The following ADAM11 variants were observed in gnomAD, a reference collection of about 807,000 sequenced individuals.
The protein encoded by ADAM11 is disintegrin and metalloproteinase domain-containing protein 11.
ADAM11 carries 49 observed loss-of-function variants against 119.1 expected under a neutral mutation model. The observed-to-expected ratio is 0.41, with a 90% CI of 0.33 to 0.52. The LOEUF (loss-of-function observed/expected upper bound fraction) is 0.52. Ranked by LOEUF, ADAM11 falls within the 20% of genes least tolerant of loss-of-function variation. ADAM11 has a pLI of 0.20. For missense variants in ADAM11, 777 were observed against 1,047.5 expected (o/e 0.74, Z 3.56); for synonymous variants, 364 against 408.0 (o/e 0.89, Z 1.30).
chr17:44,775,405 C>G lies in ADAM11; in HGVS notation c.1332C>G (p.Pro444=). ...TCCTCCCGGTCCAGCTCCTGGACCCCCCAGAGTGCGGGAACGGCTTCGTGG... is the reference window on the plus strand; with the variant it reads ...TCCTCCCGGTCCAGCTCCTGGACCCGCCAGAGTGCGGGAACGGCTTCGTGG... ...LFNKPLKLLD[P]PECGNGFVEA... is the part of the protein sequence containing the mutation. Residue 444 remains proline, a synonymous_variant, in exon 16 of 27, where the codon CCC becomes CCG. Coordinates refer to ENST00000200557, the MANE Select transcript of ADAM11 (RefSeq NM_002390.6). The surrounding 1 kb of genome is among the most constrained non-coding windows in gnomAD (Gnocchi z 7.5). The G allele has an allele frequency of 6.2e-7, 1 of 1,612,192 alleles. No individual in the cohort carries two copies. Among genetic ancestry groups the G allele is most frequent in the Middle Eastern group, 1.7e-4 (1 of 6,060 alleles).
intron 26 of ADAM11, 63 bp from the exon 27 acceptor site, chr17:44,779,676 G>T: frequency 6.4e-7 from 1 of 1,557,258 alleles, no homozygotes. Context: ...CCGGGGCCCT[G>T]CTGGGGGGCT....
intron 2 of ADAM11, among the ~76,000 whole-genome samples, chr17:44,761,716 T>C (rs2049391537): frequency 6.6e-6 from 1 of 152,170 alleles, no homozygotes; most frequent in Non-Finnish European, 1.5e-5. Flanking sequence ...GTGCCTCAGT[T>C]TCCCCTGAGG....
At position 44,759,128 on chromosome 17, in the gene ADAM11, C is replaced by T; in HGVS notation, c.-72C>T. ...GGCTCCGCAGCTGGCGCCTCCCCAC[C>T]CCCGTCCCTGCTCCCGCCCTCCCCG... is the stretch of plus-strand genomic sequence containing the variant. On this transcript the variant is annotated 5_prime_UTR_variant, in exon 1 of 27. Transcript: ENST00000200557. 2.0e-5 allele frequency: 20 copies of T among 1,005,660 alleles called. 1 individual carries two copies. Among genetic ancestry groups the T allele is most frequent in the Non-Finnish European group, 2.5e-5 (20 of 792,356 alleles). 62.3% of individuals were successfully genotyped at this position (1,005,660 alleles called of 1,614,324 possible).
intron 2 of ADAM11, among the ~76,000 whole-genome samples, chr17:44,765,445 C>T (rs1354393038): frequency 1.3e-5 from 2 of 152,172 alleles, no homozygotes; most frequent in Admixed American, 1.3e-4. Context: ...GTCCCTGTCA[C>T]AGTAGGTGAT....
At chr17:44,770,638 C>T (rs918785433) in intron 4 of ADAM11, among the ~76,000 whole-genome samples, 1 of 152,104 alleles carries the variant, frequency 6.6e-6, no homozygotes, top group Admixed American at 6.5e-5. Flanking sequence ...CACTCCTCAG[C>T]CAACCACAGG....
rs764800695 is a variant in ADAM11, at chr17:44,776,147, C to T, written c.1506C>T (p.Ser502=). ...RRCKYEPRGV[S]CREAVNECDI... Reference sequence around the variant, plus strand: ...CCTAGTACGAACCACGGGGTGTGTCCTGCCGAGAGGCCGTGAACGAGTGCG... The same window carrying T: ...CCTAGTACGAACCACGGGGTGTGTCTTGCCGAGAGGCCGTGAACGAGTGCG... Residue 502 remains serine (S), a synonymous_variant, in exon 18 of 27, where the codon TCC becomes TCT. Transcript: ENST00000200557. The surrounding 1 kb of genome is among the most constrained non-coding windows in gnomAD (Gnocchi z 5.2). The T allele has an allele frequency of 8.1e-6, 13 of 1,613,686 alleles. No homozygotes were observed. Among genetic ancestry groups the T allele is most frequent in the Middle Eastern group, 1.7e-4 (1 of 6,058 alleles).
chr17:44,769,999 A>C lies in ADAM11; in HGVS notation c.332A>C (p.Gln111Pro). 6.2e-7 allele frequency: 1 copy of C among 1,614,082 alleles called. No individual in the cohort carries two copies. Among genetic ancestry groups the C allele is most frequent in the East Asian group, 2.2e-5 (1 of 44,882 alleles). Residue 111 changes from glutamine to proline, a missense_variant, in exon 4 of 27, where the codon CAA becomes CCA. Gln to Pro is a moderately conservative substitution (Grantham distance 76, BLOSUM62 -1). Coordinates refer to ENST00000200557, the MANE Select transcript of ADAM11 (RefSeq NM_002390.6). ...TGTCTCAGCCACCTCCTCTCCTCGC[A>C]ATACGTGGAGCGCCACTTCAGCCGG... ...LELNHHLLSSQYVERHFSREG... is the reference protein window; with the variant it reads ...LELNHHLLSSPYVERHFSREG...
Position 44,772,464 on chromosome 17 carries a change from C to A in ADAM11, c.676C>A (p.Gln226Lys). 1 of 1,567,952 alleles carries A rather than the reference C, an allele frequency of 6.4e-7. No individual in the cohort carries two copies. Among genetic ancestry groups the A allele is most frequent in the Non-Finnish European group, 8.6e-7 (1 of 1,156,522 alleles). ...CCGGCCGAGGCTGAGAAGGAAAAGG[C>A]AGGTACGGGGGCCCGCACAGACCTC... ...PNRPRLRRKR[Q>K]VRRGHPTVHS... The change falls in exon 8 of 27, where the codon CAG (glutamine) becomes AAG (lysine). Residue 226 changes from glutamine to lysine, a missense_variant and splice_region_variant. Physicochemically the swap from Gln to Lys is moderately conservative, Grantham distance 53 (BLOSUM62 1). Around this residue, in one of 4 missense-constraint regions of ADAM11, gnomAD observed 278 missense variants for 310.1 expected, o/e 0.90. Coordinates refer to ENST00000200557, the MANE Select transcript of ADAM11 (RefSeq NM_002390.6). The surrounding 1 kb of genome is among the most constrained non-coding windows in gnomAD (Gnocchi z 4.5).
chr17:44,772,471 G>A lies in ADAM11; in HGVS notation c.678+5G>A, dbSNP rs1027495929. ...AGGCTGAGAAGGAAAAGGCAGGTACGGGGGCCCGCACAGACCTCGGGCTGC... is the reference window on the plus strand; with the variant it reads ...AGGCTGAGAAGGAAAAGGCAGGTACAGGGGCCCGCACAGACCTCGGGCTGC... On this transcript the variant is annotated splice_donor_5th_base_variant and intron_variant, in intron 8 of 26. Coordinates refer to ENST00000200557, the MANE Select transcript of ADAM11 (RefSeq NM_002390.6). This position sits in a 1 kb window ranked among gnomAD's most constrained non-coding sequence, Gnocchi z 4.5. The A allele has an allele frequency of 1.9e-6, 3 of 1,564,170 alleles. No homozygotes were observed. Among genetic ancestry groups the A allele is most frequent in the Non-Finnish European group, 2.6e-6 (3 of 1,154,782 alleles).
chr17:44,763,624 A>G (rs2049414751), intron 2 of ADAM11, among the ~76,000 whole-genome samples: 1 of 152,128 alleles, frequency 6.6e-6, no homozygotes, highest in Admixed American at 6.5e-5. Flanking sequence ...TGTTCACTCC[A>G]CTAGGGTGAC....
chr17:44,772,602 C>T lies in ADAM11; in HGVS notation c.678+136C>T, dbSNP rs2049540789. 5 of 1,224,696 alleles carry T rather than the reference C, an allele frequency of 4.1e-6. No homozygotes were observed. Among genetic ancestry groups the T allele is most frequent in the Non-Finnish European group, 5.7e-6 (5 of 881,588 alleles). The allele number at this position is 1,224,696 out of a possible 1,614,324, so 75.9% of individuals were successfully genotyped here. On this transcript the variant is annotated intron_variant, in intron 8 of 26. Coordinates refer to ENST00000200557, the MANE Select transcript of ADAM11 (RefSeq NM_002390.6). This position sits in a 1 kb window ranked among gnomAD's most constrained non-coding sequence, Gnocchi z 4.5. The stretch of plus-strand genomic sequence containing the variant: ...GGCTCAGATGGATGTGGCTGGGGGC[C>T]AGGGACCGTGTCTGGGAGAAGCCCC...
Position 44,778,354 on chromosome 17 carries a change from AC to A in ADAM11, c.2276+113del, listed in dbSNP as rs1005506094. ...AAAGCCCAACTGAACCAGAGCTCACACGTCATAGGTCCAAGTAGCCTGCAGG... is the reference window on the plus strand; with the variant it reads ...AAAGCCCAACTGAACCAGAGCTCACAGTCATAGGTCCAAGTAGCCTGCAGG... On this transcript the variant is annotated intron_variant, in intron 25 of 26. Transcript: ENST00000200557. 2.5e-5 allele frequency: 27 copies of A among 1,098,050 alleles called. No homozygotes were observed. In the African/African-American group the frequency reaches 3.9e-4, roughly 16 times the overall value. 68.0% of individuals were successfully genotyped at this position (1,098,050 alleles called of 1,614,324 possible). A position where few individuals can be genotyped will look rare whatever the true frequency, so the allele number is the denominator to read the frequency against.
rs748447725 is a variant in ADAM11, at chr17:44,759,732, C to T, written c.72C>T (p.Thr24=). The T allele has an allele frequency of 7.6e-7, 1 of 1,324,386 alleles. No homozygotes were observed. Among genetic ancestry groups the T allele is most frequent in the Admixed American group, 3.0e-5 (1 of 32,954 alleles). The allele number at this position is 1,324,386 out of a possible 1,614,324, so 82.0% of individuals were successfully genotyped here. A position where few individuals can be genotyped will look rare whatever the true frequency, so the allele number is the denominator to read the frequency against. ...GCCTTGTTTCCCCAGGTCTTGGGAC[C>T]CAAGGTCCTGCTGGAGCTCTGCGAT... The part of the protein sequence containing the change: ...LSLLPTPGLG[T]QGPAGALRWG... Residue 24 remains threonine (T), a synonymous_variant, in exon 2 of 27, where the codon ACC becomes ACT. Coordinates refer to ENST00000200557, the MANE Select transcript of ADAM11 (RefSeq NM_002390.6).
intron 2 of ADAM11, among the ~76,000 whole-genome samples, chr17:44,763,908 G>A (rs1417481472): frequency 6.6e-6 from 1 of 152,022 alleles, no homozygotes; most frequent in Non-Finnish European, 1.5e-5. Context: ...GTAGAGATGG[G>A]GTTTCACCAT....
In ADAM11 at chr17:44,776,631, C is replaced by T. The variant is rs2049604718; in HGVS notation, c.1567-114C>T. On this transcript the variant is annotated intron_variant, in intron 18 of 26. Coordinates refer to ENST00000200557, the MANE Select transcript of ADAM11 (RefSeq NM_002390.6). This position sits in a 1 kb window ranked among gnomAD's most constrained non-coding sequence, Gnocchi z 5.2. The stretch of plus-strand genomic sequence containing the variant: ...TCGCTTGTCCTAGGCGTGGAAGAGC[C>T]CTGTGGCATGAGCCCCCAATGGGGG... The T allele has an allele frequency of 3.3e-5, 43 of 1,317,732 alleles. No homozygotes were observed. The highest frequency in any genetic ancestry group is 4.5e-5 in the Non-Finnish European group (43 of 952,498). 81.6% of individuals were successfully genotyped at this position (1,317,732 alleles called of 1,614,324 possible).
At position 44,773,539 on chromosome 17, in the gene ADAM11, C is replaced by T; in HGVS notation, c.992+112C>T. The T allele has an allele frequency of 7.4e-7, 1 of 1,355,408 alleles. No individual in the cohort carries two copies. Among genetic ancestry groups the T allele is most frequent in the South Asian group, 1.4e-5 (1 of 69,772 alleles). The allele number at this position is 1,355,408 out of a possible 1,614,324, so 84.0% of individuals were successfully genotyped here. A position where few individuals can be genotyped will look rare whatever the true frequency, so the allele number is the denominator to read the frequency against. ...CTCCTCTCAGAGTCTGGGGACTGGGCTCACCTTGCACCTGCCACCTACCCC... is the reference window on the plus strand; with the variant it reads ...CTCCTCTCAGAGTCTGGGGACTGGGTTCACCTTGCACCTGCCACCTACCCC... On this transcript the variant is annotated intron_variant, in intron 11 of 26. Transcript: ENST00000200557. This position sits in a 1 kb window ranked among gnomAD's most constrained non-coding sequence, Gnocchi z 4.6.
rs149691741 is a variant in ADAM11 at position 44,777,532 on chromosome 17, G to A, written c.1832G>A (p.Arg611Gln). 3.2e-5 allele frequency: 52 copies of A among 1,614,160 alleles called. No individual in the cohort carries two copies. Among genetic ancestry groups the A allele is most frequent in the East Asian group, 3.1e-4 (14 of 44,886 alleles). ...TGTGTCAACATCTCTGGAGCTCCTC[G>A]GCTAGGGGACCTGGTGGGAGACATC... Reference protein sequence around the residue: ...LLCVNISGAPRLGDLVGDISS... With the variant: ...LLCVNISGAPQLGDLVGDISS... The change falls in exon 22 of 27, where the codon CGG (arginine) becomes CAG (glutamine). Residue 611 changes from arginine to glutamine, a missense_variant. Physicochemically the swap from Arg to Gln is conservative, Grantham distance 43. Coordinates refer to ENST00000200557, the MANE Select transcript of ADAM11 (RefSeq NM_002390.6). This position sits in a 1 kb window ranked among gnomAD's most constrained non-coding sequence, Gnocchi z 5.1.
At position 44,776,097 on chromosome 17, in the gene ADAM11, C is replaced by T. The variant is rs373173090; in HGVS notation, c.1486-30C>T. On this transcript the variant is annotated intron_variant, in intron 17 of 26. Coordinates refer to ENST00000200557, the MANE Select transcript of ADAM11 (RefSeq NM_002390.6). This position sits in a 1 kb window ranked among gnomAD's most constrained non-coding sequence, Gnocchi z 5.2. The stretch of plus-strand genomic sequence containing the variant: ...GGGCAGGGCCGAGGCATCCATCCTG[C>T]CTGACTCGAGGAGCGCGTCTCTTCC... 537 of 1,612,236 alleles carry T rather than the reference C, an allele frequency of 3.3e-4. 8 individuals carry two copies. The South Asian group carries it at 5.6e-3, about 17-fold the overall frequency.
Position 44,773,153 on chromosome 17 carries a change from G to T in ADAM11, c.825+68G>T. The T allele has an allele frequency of 6.3e-7, 1 of 1,594,860 alleles. No individual in the cohort carries two copies. ...CCCACCCCACCACACACATTAGGGG[G>T]CACTGTCAGCCCCTGGCTCCCACTT... On this transcript the variant is annotated intron_variant, in intron 10 of 26. Coordinates refer to ENST00000200557, the MANE Select transcript of ADAM11 (RefSeq NM_002390.6). The surrounding 1 kb of genome is among the most constrained non-coding windows in gnomAD (Gnocchi z 4.6).
Sources: allele counts gnomAD v4.1 joint callset (sites outside exome capture counted in the v4.1 genomes callset), GRCh38; gene constraint gnomAD v4.1.1; regional missense constraint gnomAD v4.1.1; non-coding constraint Gnocchi (gnomAD v3.1); transcripts MANE v1.5; gene names NCBI Gene and HGNC (gene_info 2026-07-23, HGNC 2026-07-21).